The following TBC1D19 variants were observed in gnomAD, a reference collection of about 807,000 sequenced individuals.
TBC1D19 encodes TBC1 domain family member 19, also known as TBC1 domain family, member 19.
Under a neutral mutation model 89.0 loss-of-function variants are expected in TBC1D19, and 60 were observed. The ratio of observed to expected loss-of-function variants is 0.67; its 90% CI spans 0.55 to 0.84. TBC1D19 has a LOEUF of 0.84. TBC1D19 is among the 40% of genes least tolerant of loss of function. The pLI is 0.00. For synonymous variants in TBC1D19, 189 were observed against 199.7 expected (o/e 0.95, Z 0.45); for missense variants, 500 against 610.8 (o/e 0.82, Z 1.91).
chr4:26,793,564 A>G, the TBC1D19 span, among the ~76,000 whole-genome samples: 2 of 152,046 alleles, frequency 1.3e-5, no homozygotes, highest in East Asian at 1.9e-4. Context: ...CTCTACTAAT[A>G]GTACAAAAAT....
At chr4:26,610,194 T>C (rs1741273216) in intron 1 of TBC1D19, among the ~76,000 whole-genome samples, 1 of 152,006 alleles carries the variant, frequency 6.6e-6, no homozygotes. Context: ...TTTTTTCCTG[T>C]CTTTTTTGAA....
intron 18 of TBC1D19, among the ~76,000 whole-genome samples, chr4:26,746,028 A>G (rs1277739638): frequency 6.6e-6 from 1 of 152,102 alleles, no homozygotes; most frequent in Non-Finnish European, 1.5e-5. Flanking sequence ...GTGTTTGCTA[A>G]GCTTGAATTT....
intron 8 of TBC1D19, chr4:26,662,813 AG>A (rs1227413753): frequency 6.6e-6 from 1 of 152,178 alleles, no homozygotes; most frequent in East Asian, 1.9e-4. Context: ...AATGTTAAGG[AG>A]GAGTAAACAT....
chr4:26,625,420 G>C (rs1290062532), intron 4 of TBC1D19, among the ~76,000 whole-genome samples: 2 of 152,154 alleles, frequency 1.3e-5, no homozygotes, highest in Non-Finnish European at 2.9e-5. Flanking sequence ...AGTTCTCATA[G>C]ATCTCATACG....
At chr4:26,728,809 C>A (rs1009536386) in intron 15 of TBC1D19, among the ~76,000 whole-genome samples, 1 of 151,780 alleles carries the variant, frequency 6.6e-6, no homozygotes, top group Non-Finnish European at 1.5e-5. Flanking sequence ...GTCAGGAGAT[C>A]GAGACCATCC....
intron 7 of TBC1D19, among the ~76,000 whole-genome samples, chr4:26,649,724 T>TA (rs1160655202): frequency 2.6e-5 from 4 of 151,974 alleles, no homozygotes; most frequent in African/African-American, 7.3e-5. Context: ...TTTTTTTTTT[T>TA]ATTATACTTT....
chr4:26,652,341 C>G (rs1022570994), intron 7 of TBC1D19, among the ~76,000 whole-genome samples: 2 of 152,120 alleles, frequency 1.3e-5, no homozygotes, highest in Non-Finnish European at 2.9e-5. Flanking sequence ...TCCATCTGGT[C>G]CTGGACTTTT....
chr4:26,662,591 C>T (rs1577898289), intron 8 of TBC1D19, among the ~76,000 whole-genome samples: 1 of 151,962 alleles, frequency 6.6e-6, no homozygotes, highest in Admixed American at 6.6e-5. Flanking sequence ...TACCCAGTGC[C>T]GTGAATGAAA....
At chr4:26,784,279 A>T in the TBC1D19 span, among the ~76,000 whole-genome samples, 1 of 152,178 alleles carries the variant, frequency 6.6e-6, no homozygotes, top group Admixed American at 6.5e-5. Context: ...ATCCCAGGAG[A>T]TACCCCTGGG....
Position 26,718,033 on chromosome 4 carries a change from T to C in TBC1D19, c.1039+16T>C, listed in dbSNP as rs766847043. The C allele has an allele frequency of 1.3e-6, 2 of 1,589,570 alleles. No individual in the cohort carries two copies. The highest frequency in any genetic ancestry group is 1.7e-6 in the Non-Finnish European group (2 of 1,160,440). ...TACATAAGAGGTAAATTTTTAATAA[T>C]TTTAAGGAAGTATTAAGACTTACAT... On this transcript the variant is annotated intron_variant, in intron 14 of 20. Transcript: ENST00000264866.
intron 7 of TBC1D19, among the ~76,000 whole-genome samples, chr4:26,653,612 CT>C (rs911813441): frequency 7.9e-5 from 12 of 152,272 alleles, no homozygotes; most frequent in African/African-American, 2.6e-4. Flanking sequence ...GAATTGATCC[CT>C]TTACCATTAT....
intron 15 of TBC1D19, among the ~76,000 whole-genome samples, chr4:26,733,640 A>G (rs116806473): frequency 0.02 from 3,036 of 152,242 alleles, 100 homozygotes; most frequent in African/African-American, 0.069. Context: ...CAGCATTTTT[A>G]TATTGCTTTT....
intron 13 of TBC1D19, among the ~76,000 whole-genome samples, chr4:26,693,421 C>T (rs970890932): frequency 4.6e-5 from 7 of 152,094 alleles, no homozygotes; most frequent in African/African-American, 1.7e-4. Flanking sequence ...AGGCCAGATG[C>T]AGTGGCTCAC....
intron 9 of TBC1D19, 78 bp downstream of exon 9, chr4:26,666,483 A>G: frequency 8.1e-7 from 1 of 1,237,728 alleles, no homozygotes; most frequent in East Asian, 2.4e-5. Context: ...TTCCAAGTTA[A>G]TCTAGCAATT....
chr4:26,694,276 C>T (rs527672277), intron 13 of TBC1D19, among the ~76,000 whole-genome samples: 28 of 152,288 alleles, frequency 1.8e-4, no homozygotes, highest in African/African-American at 4.1e-4. Flanking sequence ...GAGGGTCCTA[C>T]GCCCACAGAG....
At chr4:26,782,610 A>G in the TBC1D19 span, among the ~76,000 whole-genome samples, 1 of 152,216 alleles carries the variant, frequency 6.6e-6, no homozygotes, top group East Asian at 1.9e-4. Context: ...GCTTAAACCA[A>G]AAGCTTTACT....
chr4:26,756,830 A>G (rs899120011), downstream of TBC1D19, among the ~76,000 whole-genome samples: 2 of 152,204 alleles, frequency 1.3e-5, no homozygotes, highest in African/African-American at 4.8e-5. Flanking sequence ...TGAATGGACC[A>G]TGCCATAGCA....
intron 9 of TBC1D19, among the ~76,000 whole-genome samples, chr4:26,670,273 A>G (rs1465978864): frequency 6.6e-6 from 1 of 151,066 alleles, no homozygotes; most frequent in Admixed American, 6.6e-5. Context: ...GATCCCAGAC[A>G]CTTTCCTTAG....
intron 13 of TBC1D19, among the ~76,000 whole-genome samples, chr4:26,710,574 A>G (rs1716108751): frequency 6.6e-6 from 1 of 152,132 alleles, no homozygotes; most frequent in Admixed American, 6.5e-5. Flanking sequence ...GTCAAATGGT[A>G]TTTCTAGTTC....
Sources: gnomAD v4.1 joint callset for allele counts (sites outside exome capture counted in the v4.1 genomes callset) on GRCh38, gnomAD v4.1.1 for gene constraint, MANE v1.5 for transcripts, NCBI Gene and HGNC (gene_info 2026-07-23, HGNC 2026-07-21) for gene names.